Variants in PRKG1 observed in about 807,000 individuals in gnomAD.
PRKG1 encodes the protein protein kinase cGMP-dependent 1.
In PRKG1, 35 loss-of-function variants were observed where a neutral mutation model predicts 88.1. That is an observed-to-expected ratio of 0.40 (90% confidence interval 0.30 to 0.53). The LOEUF is 0.53. PRKG1 is among the 20% of genes least tolerant of loss of function. PRKG1 has a pLI of 0.59. For missense variants in PRKG1, 540 were observed against 839.8 expected (o/e 0.64, Z 4.41); for synonymous variants, 303 against 292.5 (o/e 1.04, Z -0.37).
intron 2 of PRKG1, among the ~76,000 whole-genome samples, chr10:51,200,992 C>T (rs940890905): frequency 5.3e-5 from 8 of 152,154 alleles, no homozygotes; most frequent in African/African-American, 1.4e-4. Context: ...GATGGGGCCA[C>T]TAATGAACAT....
At chr10:51,440,432 G>A (rs1034305403) in intron 2 of PRKG1, among the ~76,000 whole-genome samples, 7 of 151,624 alleles carry the variant, frequency 4.6e-5, no homozygotes, top group African/African-American at 1.2e-4. Context: ...TTTTCAGATC[G>A]AAAAATTTAA....
At chr10:51,087,675 G>T (rs1318206477) in intron 1 of PRKG1, among the ~76,000 whole-genome samples, 1 of 152,172 alleles carries the variant, frequency 6.6e-6, no homozygotes, top group African/African-American at 2.4e-5. Context: ...TGATGGTCAT[G>T]GGTGCATTCT....
intron 1 of PRKG1, among the ~76,000 whole-genome samples, chr10:51,144,072 A>G (rs1402895860): frequency 2.0e-5 from 3 of 151,986 alleles, no homozygotes; most frequent in African/African-American, 7.2e-5. Context: ...TATTTCCCCT[A>G]TGTTTTCCTC....
intron 3 of PRKG1, among the ~76,000 whole-genome samples, chr10:51,506,003 C>T (rs563041835): frequency 4.7e-4 from 71 of 152,142 alleles, no homozygotes; most frequent in African/African-American, 1.6e-3. Flanking sequence ...TTATTTCTTG[C>T]CTTCTGCTAG....
At chr10:51,502,227 A>T (rs1841047689) in intron 3 of PRKG1, among the ~76,000 whole-genome samples, 1 of 152,208 alleles carries the variant, frequency 6.6e-6, no homozygotes, top group African/African-American at 2.4e-5. Context: ...GATCTCTGTT[A>T]TGCCACCAAT....
chr10:52,134,116 A>G (rs1837340552), intron 8 of PRKG1, among the ~76,000 whole-genome samples: 1 of 152,144 alleles, frequency 6.6e-6, no homozygotes. Flanking sequence ...GTACTTAACC[A>G]CTGTGAGCTT....
chr10:52,066,375 A>G (rs531761586), intron 7 of PRKG1, among the ~76,000 whole-genome samples: 72 of 152,234 alleles, frequency 4.7e-4, no homozygotes, highest in Non-Finnish European at 8.2e-4. Context: ...AATGAAAAGA[A>G]GTCCCAAATA....
intron 3 of PRKG1, among the ~76,000 whole-genome samples, chr10:51,635,542 C>A (rs772106660): frequency 1.8e-4 from 27 of 151,992 alleles, no homozygotes; most frequent in Non-Finnish European, 2.9e-4. Context: ...ATAAAAGGCA[C>A]CTTTTGACCA....
At chr10:51,280,905 C>T (rs183483449) in intron 2 of PRKG1, among the ~76,000 whole-genome samples, 87 of 152,348 alleles carry the variant, frequency 5.7e-4, no homozygotes, top group Admixed American at 9.8e-4. Context: ...CCATTGCTGG[C>T]GAGGAGCTGC....
At chr10:51,179,080 A>C (rs577100231) in intron 2 of PRKG1, among the ~76,000 whole-genome samples, 1 of 152,236 alleles carries the variant, frequency 6.6e-6, no homozygotes, top group Non-Finnish European at 1.5e-5. Flanking sequence ...CAGCTTCATG[A>C]GATATTGATG....
chr10:51,417,880 C>A (rs1432539835), intron 2 of PRKG1, among the ~76,000 whole-genome samples: 1 of 151,998 alleles, frequency 6.6e-6, no homozygotes, highest in East Asian at 1.9e-4. Flanking sequence ...AAAATATTAG[C>A]CATTGATTTT....
At chr10:52,238,471 CAAGA>C (rs1840751861) in intron 9 of PRKG1, among the ~76,000 whole-genome samples, 1 of 151,886 alleles carries the variant, frequency 6.6e-6, no homozygotes, top group Non-Finnish European at 1.5e-5. Context: ...AACAAATTTA[CAAGA>C]AAGAAACAAA....
intron 4 of PRKG1, among the ~76,000 whole-genome samples, chr10:51,877,466 A>T (rs1464907672): frequency 2.6e-5 from 4 of 152,184 alleles, no homozygotes. Flanking sequence ...CAATTTGTTG[A>T]GCAGCATTTT....
intron 9 of PRKG1, among the ~76,000 whole-genome samples, chr10:52,191,010 T>G (rs1028459135): frequency 6.6e-6 from 1 of 152,224 alleles, no homozygotes; most frequent in Non-Finnish European, 1.5e-5. Context: ...CATTTTTCAA[T>G]TTTCCTCAAT....
chr10:52,210,246 T>A (rs979100868), intron 9 of PRKG1, among the ~76,000 whole-genome samples: 1 of 151,978 alleles, frequency 6.6e-6, no homozygotes, highest in Admixed American at 6.6e-5. Context: ...CTCTTAGGTC[T>A]TGCAGAAGCT....
intron 13 of PRKG1, 50 bp downstream of exon 13, chr10:52,280,980 T>C: frequency 1.3e-6 from 2 of 1,561,380 alleles, no homozygotes; most frequent in African/African-American, 1.4e-5. Flanking sequence ...AAAATATTTG[T>C]TTATAAAACT....
chr10:51,516,760 A>G (rs1841597824), intron 3 of PRKG1, among the ~76,000 whole-genome samples: 2 of 152,218 alleles, frequency 1.3e-5, no homozygotes, highest in South Asian at 4.1e-4. Flanking sequence ...TTTTCAACAA[A>G]TGATTTTTGA....
rs1839937428 is a variant in PRKG1, at chr10:51,828,790, C to T, written c.698+24100C>T. 2.0e-5 allele frequency among the ~76,000 whole-genome samples: 3 copies of T among 152,226 alleles called. 1 individual carries two copies. In the South Asian group the frequency reaches 6.2e-4, roughly 32 times the overall value. On this transcript the variant is annotated intron_variant, in intron 4 of 17. Transcript: ENST00000373980. ...GGAAACTAGCTTGGTTACTTCAAAA[C>T]ATTTATTTTGTTTCAAGACAAAGCA...
At chr10:51,288,444 T>A (rs10082503) in intron 2 of PRKG1, among the ~76,000 whole-genome samples, 37,000 of 152,114 alleles carry the variant, frequency 0.24, 6,792 homozygotes, top group African/African-American at 0.52. Context: ...ATTCTGCTAC[T>A]TGAAAATGGG....
Sources: gnomAD v4.1 joint callset for allele counts (sites outside exome capture counted in the v4.1 genomes callset) on GRCh38, gnomAD v4.1.1 for gene constraint, MANE v1.5 for transcripts, NCBI Gene and HGNC (gene_info 2026-07-23, HGNC 2026-07-21) for gene names.